Variants in MRPL36 observed in about 807,000 individuals in gnomAD.
MRPL36 encodes mitochondrial ribosomal protein L36, also known as large ribosomal subunit protein bL36m.
A neutral mutation model predicts 2.8 loss-of-function variants in MRPL36; 1 was observed. The observed-to-expected ratio is 0.36, with a 90% confidence interval of 0.13 to 1.69. The LOEUF (loss-of-function observed/expected upper bound fraction) is 1.69. Ranked by LOEUF, MRPL36 falls within the 40% of genes most tolerant of loss-of-function variation. MRPL36 has a pLI of 0.35. For synonymous variants in MRPL36, 68 were observed against 54.8 expected, an observed-to-expected ratio of 1.24 and a Z score of -1.06; for missense variants, 148 against 132.7, an observed-to-expected ratio of 1.12 and a Z score of -0.57.
chr5:1,799,146 G>T (rs772500488), intron 1 of MRPL36, 199 bp from the exon 2 acceptor site: 6 of 515,220 alleles, frequency 1.2e-5, no homozygotes, highest in Non-Finnish European at 2.1e-5. Flanking sequence ...ATAAGGGGCA[G>T]TGGACGGTGG....
chr5:1,801,095 G>A (rs1327447520), upstream of MRPL36, among the ~76,000 whole-genome samples: 2 of 152,210 alleles, frequency 1.3e-5, no homozygotes, highest in Non-Finnish European at 2.9e-5. Flanking sequence ...TGCCTCATCA[G>A]GGCCCTAGCT....
In MRPL36 at chr5:1,798,748, G is replaced by A. The variant is rs777500156; in HGVS notation, c.188C>T (p.Ala63Val). 3.7e-6 allele frequency: 6 copies of A among 1,613,966 alleles called. No individual in the cohort carries two copies. In the Admixed American group the frequency reaches 5.0e-5, roughly 13 times the overall value. ...SPGLLPHLLP[A>V]LGFKNKTVLK... ...GACAGTCTTGTTTTTGAACCCCAGCGCAGGCAGCAGATGGGGCAGGAGGCC... is the reference window on the plus strand; with the variant it reads ...GACAGTCTTGTTTTTGAACCCCAGCACAGGCAGCAGATGGGGCAGGAGGCC... The change falls in exon 2 of 2, where the codon GCG becomes GTG. Residue 63 changes from alanine (A) to valine (V), a missense_variant. Transcript: ENST00000505059.
In MRPL36 at chr5:1,798,956, G is replaced by A. The variant is rs201181603; in HGVS notation, c.-12-9C>T. ...GCCATGTTGTGGTGAATCTATGGGA[G>A]AGAGAAAAAAAGGAGTTATAGCTTC... On this transcript the variant is annotated splice_polypyrimidine_tract_variant and intron_variant, in intron 1 of 1. Coordinates refer to ENST00000505059, the MANE Select transcript of MRPL36 (RefSeq NM_032479.4). 133 of 1,543,550 alleles carry A rather than the reference G, an allele frequency of 8.6e-5. No individual in the cohort carries two copies. Among genetic ancestry groups the A allele is most frequent in the Middle Eastern group, 7.0e-4 (4 of 5,700 alleles).
At chr5:1,800,094 G>A (rs1733992654), upstream of MRPL36, among the ~76,000 whole-genome samples, 2 of 152,190 alleles carry the variant, frequency 1.3e-5, no homozygotes, top group Admixed American at 1.3e-4. Context: ...CAACCACTTA[G>A]GCCTTAGAAA....
chr5:1,801,267 C>G (rs1473981482), upstream of MRPL36: 2 of 1,190,120 alleles, frequency 1.7e-6, no homozygotes, highest in South Asian at 1.6e-5. Context: ...CCACCTGAAT[C>G]AGAGAGCAGC....
Position 1,798,743 on chromosome 5 carries a change from C to T in MRPL36, c.193G>A (p.Gly65Arg). ...TTAAGGACAGTCTTGTTTTTGAACC[C>T]CAGCGCAGGCAGCAGATGGGGCAGG... ...GLLPHLLPAL[G>R]FKNKTVLKKR... The change falls in exon 2 of 2, where the codon GGG becomes AGG. Residue 65 changes from glycine to arginine, a missense_variant. By Grantham distance (125) the Gly-to-Arg change is moderately radical. Coordinates refer to ENST00000505059, the MANE Select transcript of MRPL36 (RefSeq NM_032479.4). The T allele has an allele frequency of 1.2e-6, 2 of 1,613,930 alleles. No individual in the cohort carries two copies. Among genetic ancestry groups the T allele is most frequent in the Non-Finnish European group, 1.7e-6 (2 of 1,179,906 alleles).
intron 1 of MRPL36, chr5:1,799,467 G>A (rs1733956163): frequency 6.6e-6 from 1 of 152,380 alleles, no homozygotes; most frequent in Non-Finnish European, 1.5e-5. Context: ...CGGCTGGGAA[G>A]AGCTGGGCCT....
chr5:1,800,164 A>C (rs988251712), upstream of MRPL36, among the ~76,000 whole-genome samples: 1 of 152,262 alleles, frequency 6.6e-6, no homozygotes, highest in Non-Finnish European at 1.5e-5. Context: ...TTAAGTGGAC[A>C]GGAGAAATGT....
rs778307073 is a variant in MRPL36 at position 1,798,890 on chromosome 5, G to A, written c.46C>T (p.Leu16Phe). 1.1e-5 allele frequency: 18 copies of A among 1,609,832 alleles called. No homozygotes were observed. The highest frequency in any genetic ancestry group is 1.6e-4 in the Middle Eastern group (1 of 6,074). The stretch of plus-strand genomic sequence containing the variant: ...CGAGGCTTCACCGTGTGACGACTGA[G>A]ATAGAGCAGAGGGTTCACCATTTTC... ...IRKMVNPLLY[L>F]SRHTVKPRAL... Residue 16 changes from leucine (L) to phenylalanine (F), a missense_variant, in exon 2 of 2, where the codon CTC becomes TTC. Transcript: ENST00000505059.
chr5:1,800,360 C>T (rs1440275172), upstream of MRPL36, among the ~76,000 whole-genome samples: 4 of 152,184 alleles, frequency 2.6e-5, no homozygotes, highest in Non-Finnish European at 5.9e-5. Flanking sequence ...GGTATCTACC[C>T]GTAACTCCAT....
chr5:1,799,182 A>T, intron 1 of MRPL36: 1 of 464,282 alleles, frequency 2.2e-6, no homozygotes. Context: ...CGCCTGCTGC[A>T]AGTGTAGGTG....
At chr5:1,801,432 G>A (rs374411074), upstream of MRPL36, 41 of 1,605,202 alleles carry the variant, frequency 2.6e-5, no homozygotes, top group African/African-American at 3.1e-4. Context: ...CGGCGGCGAT[G>A]ACCTTCTGCC....
chr5:1,798,602 C>T lies in MRPL36; in HGVS notation c.*22G>A, dbSNP rs756275231. The stretch of plus-strand genomic sequence containing the variant: ...CAAGTGATGCGATGACGAGTATGTG[C>T]GTGACTCTGGAGGGAAAGGGTCTAC... On this transcript the variant is annotated 3_prime_UTR_variant, in exon 2 of 2. Transcript: ENST00000505059. 2.1e-5 allele frequency: 33 copies of T among 1,586,068 alleles called. No homozygotes were observed. The highest frequency in any genetic ancestry group is 5.6e-5 in the South Asian group (5 of 89,272).
chr5:1,799,046 G>A (rs543113797), intron 1 of MRPL36, 99 bp from the exon 2 acceptor site: 4 of 934,328 alleles, frequency 4.3e-6, no homozygotes, highest in South Asian at 3.5e-5. Flanking sequence ...TGGGAAGGCA[G>A]GGACCTCGGG....
rs55649914 is a variant in MRPL36 at position 1,799,784 on chromosome 5, T to TCCCTTACCCGGCCACACG, written c.-13+7_-13+8insCGTGTGGCCGGGTAAGGG. ...GGGACCCCTGACCTGAGAAGACGGCTCCCTTACCCGGCCGCACGCTCTCAC... is the reference window on the plus strand; with the variant it reads ...GGGACCCCTGACCTGAGAAGACGGCTCCCTTACCCGGCCACACGCCCTTACCCGGCCGCACGCTCTCAC... On this transcript the variant is annotated splice_region_variant and intron_variant, in intron 1 of 1. Transcript: ENST00000505059. 0.57 allele frequency: 75,800 copies of TCCCTTACCCGGCCACACG among 133,946 alleles called. 21,936 individuals are homozygous for TCCCTTACCCGGCCACACG. The highest frequency in any genetic ancestry group is 0.7 in the Non-Finnish European group (43,742 of 62,204). The allele number at this position is 133,946 out of a possible 1,614,324, so 8.3% of individuals were successfully genotyped here.
At position 1,798,971 on chromosome 5, in the gene MRPL36, G is replaced by A. The variant is rs746797703; in HGVS notation, c.-12-24C>T. 7.3e-6 allele frequency: 11 copies of A among 1,516,558 alleles called. No individual in the cohort carries two copies. In the African/African-American group the frequency reaches 9.7e-5, roughly 13 times the overall value. 93.9% of individuals were successfully genotyped at this position (1,516,558 alleles called of 1,614,324 possible). ...ATCTATGGGAGAGAGAAAAAAAGGA[G>A]TTATAGCTTCTCCTGCACTTCCACC... is the stretch of plus-strand genomic sequence containing the variant. On this transcript the variant is annotated intron_variant, in intron 1 of 1. Transcript: ENST00000505059.
intron 1 of MRPL36, chr5:1,799,532 G>C (rs1213914343): frequency 6.6e-6 from 1 of 152,356 alleles, no homozygotes; most frequent in African/African-American, 2.4e-5. Context: ...CGGGCTGTGA[G>C]GTCGCGTTCG....
upstream of MRPL36, chr5:1,801,313 C>CAG (rs34372448): frequency 2.2e-5 from 33 of 1,480,356 alleles, no homozygotes; most frequent in Non-Finnish European, 2.6e-5. Flanking sequence ...GCGCTCCCCG[C>CAG]CCCCAGGGCG....
rs1321917312 is a variant in MRPL36 at position 1,798,712 on chromosome 5, C to T, written c.224G>A (p.Arg75His). The T allele has an allele frequency of 1.2e-6, 2 of 1,613,798 alleles. No homozygotes were observed. The highest frequency in any genetic ancestry group is 2.2e-5 in the East Asian group (1 of 44,884). Residue 75 changes from arginine to histidine, a missense_variant, in exon 2 of 2, where the codon CGC becomes CAC. Physicochemically the swap from Arg to His is conservative, Grantham distance 29 (BLOSUM62 0). Coordinates refer to ENST00000505059, the MANE Select transcript of MRPL36 (RefSeq NM_032479.4). ...GFKNKTVLKK[R>H]CKDCYLVKRR... ...CTTCACCAGGTAACAGTCCTTGCAG[C>T]GCTTCTTAAGGACAGTCTTGTTTTT...
Sources: allele counts gnomAD v4.1 joint callset (sites outside exome capture counted in the v4.1 genomes callset), GRCh38; gene constraint gnomAD v4.1.1; transcripts MANE v1.5; gene names NCBI Gene and HGNC (gene_info 2026-07-23, HGNC 2026-07-21).